PITRM1: variants seen among roughly 807,000 people sequenced by gnomAD.
The protein encoded by PITRM1 is presequence protease, mitochondrial.
In PITRM1, 100 loss-of-function variants were observed where a neutral mutation model predicts 129.9. The ratio of observed to expected loss-of-function variants is 0.77; its 90% confidence interval spans 0.65 to 0.91. The LOEUF is 0.91. Among genes scored for constraint, PITRM1 ranks in the 40% least tolerant of loss-of-function variants. The pLI, the probability that PITRM1 is intolerant of heterozygous loss-of-function variation, is 0.00. For missense variants in PITRM1, 1,471 were observed against 1,318.3 expected, an observed-to-expected ratio of 1.12 and a Z score of -1.79; for synonymous variants, 591 against 508.8, an observed-to-expected ratio of 1.16 and a Z score of -2.17.
rs779190799 is a variant in PITRM1 at position 3,149,652 on chromosome 10, A to G, written c.1840T>C (p.Tyr614His). 4 of 1,591,010 alleles carry G rather than the reference A, an allele frequency of 2.5e-6. No homozygotes were observed. The African/African-American group carries it at 4.1e-5, about 16-fold the overall frequency. ...AGGACGCTGCAGAAGAGGGGCACATAGGGCCTCAGCTCCTCGGGGAGTGTG... is the reference window on the plus strand; with the variant it reads ...AGGACGCTGCAGAAGAGGGGCACATGGGGCCTCAGCTCCTCGGGGAGTGTG... ...LNTLPEELRPYVPLFCSVLTK... is the reference protein window; with the variant it reads ...LNTLPEELRPHVPLFCSVLTK... The change falls in exon 16 of 27, where the codon TAT becomes CAT. Residue 614 changes from tyrosine (Y) to histidine (H), a missense_variant. Physicochemically the swap from Tyr to His is moderately conservative, Grantham distance 83. Coordinates refer to ENST00000224949, the MANE Select transcript of PITRM1 (RefSeq NM_014889.4).
At chr10:3,157,789 A>G (rs976439499) in intron 11 of PITRM1, among the ~76,000 whole-genome samples, 4 of 152,252 alleles carry the variant, frequency 2.6e-5, no homozygotes, top group African/African-American at 4.8e-5. Flanking sequence ...CAGTGAGCTG[A>G]GATCACGCCA....
At chr10:3,159,089 G>C (rs1157186477) in intron 9 of PITRM1, 47 bp from the exon 10 acceptor site, 3 of 1,528,192 alleles carry the variant, frequency 2.0e-6, no homozygotes, top group Non-Finnish European at 2.7e-6. Flanking sequence ...AGAGTAAAGG[G>C]AAAATTACTG....
chr10:3,143,334 G>T, intron 23 of PITRM1, 55 bp downstream of exon 23: 3 of 1,132,780 alleles, frequency 2.6e-6, no homozygotes, highest in South Asian at 2.5e-5. Context: ...GAACAGCCTT[G>T]ACAAGCTCTT....
At chr10:3,160,183 C>A (rs747573897) in intron 8 of PITRM1, 21 bp downstream of exon 8, 3 of 1,612,832 alleles carry the variant, frequency 1.9e-6, no homozygotes, top group Non-Finnish European at 2.5e-6. Context: ...AGGAAGGACA[C>A]AAACACGGTG....
At chr10:3,157,947 G>A in intron 11 of PITRM1, 93 bp downstream of exon 11, 6 of 779,356 alleles carry the variant, frequency 7.7e-6, no homozygotes, top group East Asian at 7.5e-5. Flanking sequence ...GACAGAGAAG[G>A]AAGGCCGAAA....
At chr10:3,165,364 G>C in intron 5 of PITRM1, 30 bp from the exon 6 acceptor site, 1 of 1,598,418 alleles carries the variant, frequency 6.3e-7, no homozygotes, top group African/African-American at 1.3e-5. Flanking sequence ...AGCTGATAGT[G>C]ACTCAAATAC....
chr10:3,166,357 A>C lies in PITRM1; in HGVS notation c.290T>G (p.Met97Arg). 2 of 851,086 alleles carry C rather than the reference A, an allele frequency of 2.3e-6. No homozygotes were observed. Among genetic ancestry groups the C allele is most frequent in the Non-Finnish European group, 3.4e-6 (2 of 581,384 alleles). 52.7% of individuals were successfully genotyped at this position (851,086 alleles called of 1,614,324 possible). The part of the protein sequence containing the change: ...LFSVQFRTTP[M>R]DSTGVPHILE... The stretch of plus-strand genomic sequence containing the variant: ...AATGTGAGGAACACCAGTACTGTCC[A>C]TGGGAGTAGTACGGAACTGCACGCT... Residue 97 changes from methionine (M) to arginine (R), a missense_variant, in exon 4 of 27, where the codon ATG (methionine) becomes AGG (arginine). Transcript: ENST00000224949.
At chr10:3,167,154 C>A (rs991754920) in intron 2 of PITRM1, 112 bp from the exon 3 acceptor site, 12 of 632,316 alleles carry the variant, frequency 1.9e-5, no homozygotes, top group African/African-American at 3.7e-5. Context: ...TAGATGATGC[C>A]GGGAAGGCAG....
chr10:3,161,883 C>T (rs996484717), intron 7 of PITRM1, among the ~76,000 whole-genome samples: 1 of 151,528 alleles, frequency 6.6e-6, no homozygotes, highest in African/African-American at 2.4e-5. Context: ...AGAAAGAACT[C>T]TCTTCTCCAT....
intron 14 of PITRM1, among the ~76,000 whole-genome samples, chr10:3,152,212 G>A (rs1012036578): frequency 1.2e-4 from 18 of 152,224 alleles, no homozygotes; most frequent in African/African-American, 4.1e-4. Flanking sequence ...CCTCCACTGA[G>A]CCACAGCCCA....
At chr10:3,172,788 C>G (rs1237676318), upstream of PITRM1, 1 of 1,510,248 alleles carries the variant, frequency 6.6e-7, no homozygotes, top group South Asian at 1.2e-5. Context: ...ATGACGAGCA[C>G]CTGGCTGGCG....
In PITRM1 at chr10:3,157,950, G is replaced by A. The variant is rs150245269; in HGVS notation, c.1250+90C>T. On this transcript the variant is annotated intron_variant, in intron 11 of 26. Coordinates refer to ENST00000224949, the MANE Select transcript of PITRM1 (RefSeq NM_014889.4). ...AGCATGTTATATGACAGAGAAGGAA[G>A]GCCGAAACAATGGATCAGGCTCAGC... The A allele has an allele frequency of 2.0e-5, 16 of 792,438 alleles. No homozygotes were observed. In the East Asian group the frequency reaches 4.0e-4, roughly 20 times the overall value. 49.1% of individuals were successfully genotyped at this position (792,438 alleles called of 1,614,324 possible). A position where few individuals can be genotyped will look rare whatever the true frequency, so the allele number is the denominator to read the frequency against.
At chr10:3,143,982 G>A in intron 22 of PITRM1, 1 of 540,336 alleles carries the variant, frequency 1.9e-6, no homozygotes. Flanking sequence ...TACGTTCAAA[G>A]AAGGGTGAGT....
intron 22 of PITRM1, chr10:3,143,750 A>G (rs888880788): frequency 1.7e-5 from 12 of 690,234 alleles, no homozygotes; most frequent in Non-Finnish European, 2.7e-5. Context: ...AAGTCCTCCA[A>G]TCTTGACGTG....
Position 3,158,139 on chromosome 10 carries a change from G to A in PITRM1, c.1151C>T (p.Thr384Met), listed in dbSNP as rs570866037. 8.8e-6 allele frequency: 14 copies of A among 1,594,850 alleles called. No individual in the cohort carries two copies. The highest frequency in any genetic ancestry group is 5.1e-5 in the Admixed American group (3 of 59,222). The change falls in exon 11 of 27, where the codon ACG becomes ATG. Residue 384 changes from threonine (T) to methionine (M), a missense_variant. Transcript: ENST00000224949. The part of the protein sequence containing the change: ...FSPDVGYNGY[T>M]REAYFSVGLQ... ...GCCGACACTAAAGTAGGCCTCCCTC[G>A]TGTAGCCATTATATCTAGAAGACAA...
chr10:3,147,960 A>G, intron 18 of PITRM1, 27 bp downstream of exon 18: 1 of 1,536,474 alleles, frequency 6.5e-7, no homozygotes, highest in Non-Finnish European at 9.0e-7. Flanking sequence ...CACCCCAAGA[A>G]TGGACAACTC....
rs1354867410 is a variant in PITRM1, at chr10:3,156,985, T to C, written c.1427A>G (p.Gln476Arg). The C allele has an allele frequency of 3.7e-6, 6 of 1,609,850 alleles. No homozygotes were observed. The highest frequency in any genetic ancestry group is 1.7e-5 in the Admixed American group (1 of 58,696). The change falls in exon 13 of 27, where the codon CAG becomes CGG. Residue 476 changes from glutamine (Q) to arginine (R), a missense_variant. By Grantham distance (43) the Gln-to-Arg change is conservative. Coordinates refer to ENST00000224949, the MANE Select transcript of PITRM1 (RefSeq NM_014889.4). ...AAATTTTGGATTTTCCTGCAGGCACTGTCTGAATTTAGCTAACTGATTTCC... is the reference window on the plus strand; with the variant it reads ...AAATTTTGGATTTTCCTGCAGGCACCGTCTGAATTTAGCTAACTGATTTCC... ...KLGNQLAKFR[Q>R]CLQENPKFLQ...
intron 10 of PITRM1, 57 bp downstream of exon 10, chr10:3,158,857 G>A (rs1588691842): frequency 2.6e-5 from 41 of 1,551,270 alleles, no homozygotes; most frequent in Non-Finnish European, 3.3e-5. Flanking sequence ...GGAGGTGGAG[G>A]AGCAAAACTG....
chr10:3,172,301 CTG>C, intron 1 of PITRM1: 1 of 489,954 alleles, frequency 2.0e-6, no homozygotes, highest in South Asian at 1.5e-5. Flanking sequence ...CGTCAGTTCT[CTG>C]AACACAGCGA....
Sources: gnomAD v4.1 joint callset for allele counts (sites outside exome capture counted in the v4.1 genomes callset) on GRCh38, gnomAD v4.1.1 for gene constraint, MANE v1.5 for transcripts, NCBI Gene and HGNC (gene_info 2026-07-23, HGNC 2026-07-21) for gene names.